LIPE: variants seen among roughly 807,000 people sequenced by gnomAD.
The protein encoded by LIPE is hormone-sensitive lipase.
In LIPE, 66 loss-of-function variants were observed where a neutral mutation model predicts 88.5. That is an observed-to-expected ratio of 0.75 (90% CI 0.61 to 0.91). LIPE has a LOEUF of 0.91. Among genes scored for constraint, LIPE ranks in the 40% least tolerant of loss-of-function variants. The pLI is 0.00. For missense variants in LIPE, 1,346 were observed against 1,434.7 expected (o/e 0.94, Z 1.00); for synonymous variants, 570 against 617.5 (o/e 0.92, Z 1.14).
At position 42,410,909 on chromosome 19, in the gene LIPE, G is replaced by T; in HGVS notation, c.884-67C>A. 7.0e-7 allele frequency: 1 copy of T among 1,424,842 alleles called. No individual in the cohort carries two copies. The highest frequency in any genetic ancestry group is 9.4e-7 in the Non-Finnish European group (1 of 1,061,482). 88.3% of individuals were successfully genotyped at this position (1,424,842 alleles called of 1,614,324 possible). A position where few individuals can be genotyped will look rare whatever the true frequency, so the allele number is the denominator to read the frequency against. Reference sequence around the variant, plus strand: ...AGCCTTGCTTAGCTGGGGCCCAGGAGTCTGGGCCATAGCTTACCCACTCCT... The same window carrying T: ...AGCCTTGCTTAGCTGGGGCCCAGGATTCTGGGCCATAGCTTACCCACTCCT... On this transcript the variant is annotated intron_variant, in intron 1 of 9. Transcript: ENST00000244289. The surrounding 1 kb of genome is among the most constrained non-coding windows in gnomAD (Gnocchi z 6.1).
intron 1 of LIPE, among the ~76,000 whole-genome samples, chr19:42,411,810 G>T (rs943533784): frequency 6.6e-6 from 1 of 152,156 alleles, no homozygotes; most frequent in Non-Finnish European, 1.5e-5. Flanking sequence ...CACTGGTGTC[G>T]ACCTTGAGCA....
At chr19:42,411,421 C>T in intron 1 of LIPE, 1 of 748,648 alleles carries the variant, frequency 1.3e-6, no homozygotes, top group African/African-American at 1.9e-5. Flanking sequence ...ATTCTCAGGA[C>T]CCAGGAGTCC....
intron 1 of LIPE, among the ~76,000 whole-genome samples, chr19:42,413,031 C>T (rs1189833396): frequency 6.6e-6 from 1 of 152,232 alleles, no homozygotes; most frequent in Non-Finnish European, 1.5e-5. Flanking sequence ...CCTGCTGTGA[C>T]TGGCATCCCC....
rs1386202251 is a variant in LIPE at position 42,426,367 on chromosome 19, G to A, written c.783C>T (p.Gly261=). 3 of 1,613,818 alleles carry A rather than the reference G, an allele frequency of 1.9e-6. No individual in the cohort carries two copies. Among genetic ancestry groups the A allele is most frequent in the African/African-American group, 1.3e-5 (1 of 74,842 alleles). ...GGMVAQGVKL[G]FKGKSGYKVM... ...CTTTATAACCAGATTTTCCTTTGAAGCCTAGCTTCACTCCCTGGGCCACCA... is the reference window on the plus strand; with the variant it reads ...CTTTATAACCAGATTTTCCTTTGAAACCTAGCTTCACTCCCTGGGCCACCA... The change falls in exon 1 of 10, where the codon GGC becomes GGT. Residue 261 remains glycine, a synonymous_variant. Transcript: ENST00000244289.
intron 1 of LIPE, among the ~76,000 whole-genome samples, chr19:42,418,654 A>G (rs2040536859): frequency 1.3e-5 from 2 of 151,496 alleles, no homozygotes; most frequent in South Asian, 4.2e-4. Context: ...TCTCTACAGA[A>G]AAAAAAAAAT....
At chr19:42,405,974 TCTCACACA>T (rs1406499025) in intron 7 of LIPE, 179 bp downstream of exon 7, 147 of 481,570 alleles carry the variant, frequency 3.1e-4, no homozygotes, top group African/African-American at 1.9e-3. Flanking sequence ...TCTCTCTCTC[TCTCACACA>T]CACACACACA....
Position 42,402,603 on chromosome 19 carries a change from T to C in LIPE, c.2967+4A>G, listed in dbSNP as rs2040018324. ...CACCTGTACCGGCCCCCTCTGTCGC[T>C]CACCACGATGTGCACAGGTGGCAGG... On this transcript the variant is annotated splice_donor_region_variant and intron_variant, in intron 9 of 9. Coordinates refer to ENST00000244289, the MANE Select transcript of LIPE (RefSeq NM_005357.4). 1.4e-6 allele frequency: 2 copies of C among 1,478,210 alleles called. No individual in the cohort carries two copies. Among genetic ancestry groups the C allele is most frequent in the South Asian group, 3.0e-5 (2 of 67,688 alleles). 91.6% of individuals were successfully genotyped at this position (1,478,210 alleles called of 1,614,324 possible).
At chr19:42,415,341 C>G (rs910016135) in intron 1 of LIPE, among the ~76,000 whole-genome samples, 1 of 152,184 alleles carries the variant, frequency 6.6e-6, no homozygotes, top group African/African-American at 2.4e-5. Flanking sequence ...TCTTATGTCT[C>G]TCATTTTAAA....
At position 42,422,391 on chromosome 19, in the gene LIPE, G is replaced by A. The variant is rs545705834; in HGVS notation, c.883+3876C>T. On this transcript the variant is annotated intron_variant, in intron 1 of 9. Transcript: ENST00000244289. ...TTAACTACAGTCTGTACTGCCTCTG[G>A]GTATGCTATACTGGTGTGAGGCTCA... Among the ~76,000 whole-genome samples, 10 of 152,294 alleles carry A rather than the reference G, an allele frequency of 6.6e-5. No individual in the cohort carries two copies. In the South Asian group the frequency reaches 2.1e-3, roughly 32 times the overall value.
chr19:42,407,967 G>T lies in LIPE; in HGVS notation c.1656+9C>A. 6.2e-7 allele frequency: 1 copy of T among 1,611,140 alleles called. No individual in the cohort carries two copies. On this transcript the variant is annotated intron_variant, in intron 4 of 9. Transcript: ENST00000244289. The surrounding 1 kb of genome is among the most constrained non-coding windows in gnomAD (Gnocchi z 5.8). ...GGCCTCAGTGTCCCCATCTGCAACA[G>T]GCCCTCACCGATAGCACTTCCATCT...
intron 1 of LIPE, among the ~76,000 whole-genome samples, chr19:42,421,651 C>A (rs2040600696): frequency 6.6e-6 from 1 of 152,242 alleles, no homozygotes; most frequent in East Asian, 1.9e-4. Context: ...GAGGCTGAGG[C>A]AGCCATCTCT....
intron 1 of LIPE, chr19:42,424,849 C>T: frequency 2.8e-6 from 1 of 354,350 alleles, no homozygotes; most frequent in Non-Finnish European, 5.6e-6. Flanking sequence ...TCCTGGGGCT[C>T]CTGTGAAGCA....
Position 42,410,301 on chromosome 19 carries a change from G to A in LIPE, c.1419+6C>T, listed in dbSNP as rs759035555. 11 of 1,561,650 alleles carry A rather than the reference G, an allele frequency of 7.0e-6. No individual in the cohort carries two copies. Among genetic ancestry groups the A allele is most frequent in the Non-Finnish European group, 9.5e-6 (11 of 1,152,456 alleles). ...GGCCCAGAGGGGCACGGGGCAGGGG[G>A]CTCACCTGGAAGCCCAGGCAGCGGC... On this transcript the variant is annotated splice_donor_region_variant and intron_variant, in intron 2 of 9. Transcript: ENST00000244289. This position sits in a 1 kb window ranked among gnomAD's most constrained non-coding sequence, Gnocchi z 6.1.
At chr19:42,403,193 T>G (rs1462157074) in intron 8 of LIPE, 162 bp from the exon 9 acceptor site, 1 of 643,534 alleles carries the variant, frequency 1.6e-6, no homozygotes, top group African/African-American at 1.9e-5. Context: ...ATGCCCCAGG[T>G]GGTCATGGTG....
At position 42,424,245 on chromosome 19, in the gene LIPE, T is replaced by C. The variant is rs10403246; in HGVS notation, c.883+2022A>G. On this transcript the variant is annotated intron_variant, in intron 1 of 9. Coordinates refer to ENST00000244289, the MANE Select transcript of LIPE (RefSeq NM_005357.4). ...AGGAGAACGCTCGGCGCCTGCGCACTAGCTTCAGGCCGCGGGCCGGCCCAA... is the reference window on the plus strand; with the variant it reads ...AGGAGAACGCTCGGCGCCTGCGCACCAGCTTCAGGCCGCGGGCCGGCCCAA... The C allele has an allele frequency of 2.2e-3, 1,331 of 615,224 alleles. 16 individuals are homozygous for C. In the African/African-American group the frequency reaches 0.023, roughly 11 times the overall value. The allele number at this position is 615,224 out of a possible 1,614,324, so 38.1% of individuals were successfully genotyped here.
chr19:42,424,656 G>T (rs751535409), intron 1 of LIPE: 1 of 456,202 alleles, frequency 2.2e-6, no homozygotes. Flanking sequence ...CGGAGGGGCC[G>T]CCATTGCCTG....
At chr19:42,426,138 G>A (rs1398823427) in intron 1 of LIPE, 129 bp downstream of exon 1, 7 of 263,626 alleles carry the variant, frequency 2.7e-5, no homozygotes, top group Non-Finnish European at 4.9e-5. Context: ...TAATGGGGAT[G>A]TTGATCTTTA....
intron 1 of LIPE, among the ~76,000 whole-genome samples, chr19:42,415,316 C>T (rs536106449): frequency 6.6e-6 from 1 of 152,226 alleles, no homozygotes; most frequent in Non-Finnish European, 1.5e-5. Context: ...TCAAAGTGTT[C>T]AAGTGAAAGA....
Position 42,426,922 on chromosome 19 carries a change from T to C in LIPE, c.228A>G (p.Arg76=). The change falls in exon 1 of 10, where the codon AGA becomes AGG. Residue 76 remains arginine, a synonymous_variant. Transcript: ENST00000244289. ...CTTGTGAAGCAGATTTTTGTTGGGC[T>C]CTAGGTTCCTTCTGGGATTCAGCAT... is the stretch of plus-strand genomic sequence containing the variant. ...QHDAESQKEP[R]AQQKSASQEE... 1.2e-6 allele frequency: 2 copies of C among 1,614,188 alleles called. No homozygotes were observed. The highest frequency in any genetic ancestry group is 1.7e-6 in the Non-Finnish European group (2 of 1,180,040).
Sources: allele counts gnomAD v4.1 joint callset (sites outside exome capture counted in the v4.1 genomes callset), GRCh38; gene constraint gnomAD v4.1.1; non-coding constraint Gnocchi (gnomAD v3.1); transcripts MANE v1.5; gene names NCBI Gene and HGNC (gene_info 2026-07-23, HGNC 2026-07-21).